Variants in BANK1 observed in about 807,000 individuals in gnomAD.
BANK1 encodes the protein B cell scaffold protein with ankyrin repeats 1, also known as B-cell scaffold protein with ankyrin repeats.
A neutral mutation model predicts 94.5 loss-of-function variants in BANK1; 95 were observed. That is an observed-to-expected ratio of 1.00 (90% CI 0.85 to 1.19). The LOEUF (loss-of-function observed/expected upper bound fraction) is 1.19, where lower values mean the gene tolerates loss of function less well. BANK1 is among the 50% of genes most tolerant of loss of function. The pLI, the probability that BANK1 is intolerant of heterozygous loss-of-function variation, is 0.00. For missense variants in BANK1, 987 were observed against 932.2 expected (o/e 1.06, Z -0.77); for synonymous variants, 334 against 308.4 (o/e 1.08, Z -0.87).
At chr4:101,906,584 C>T (rs977768837) in intron 6 of BANK1, among the ~76,000 whole-genome samples, 3 of 152,150 alleles carry the variant, frequency 2.0e-5, no homozygotes, top group South Asian at 2.1e-4. Context: ...GCCGCTTTAG[C>T]TTTAGCTGGT....
At chr4:102,064,395 T>G (rs1016514251) in intron 13 of BANK1, among the ~76,000 whole-genome samples, 1 of 152,208 alleles carries the variant, frequency 6.6e-6, no homozygotes, top group African/African-American at 2.4e-5. Context: ...TTACAAGTTA[T>G]ATAAATAATT....
intron 2 of BANK1, among the ~76,000 whole-genome samples, chr4:101,839,282 G>T (rs892633081): frequency 4.6e-5 from 7 of 151,950 alleles, no homozygotes; most frequent in Admixed American, 2.0e-4. Flanking sequence ...AAATTACATG[G>T]TTTTTTTCAG....
intron 4 of BANK1, among the ~76,000 whole-genome samples, chr4:101,866,600 C>T (rs61465450): frequency 0.11 from 17,147 of 151,878 alleles, 1,302 homozygotes; most frequent in East Asian, 0.24. Flanking sequence ...CCAGAGAAAA[C>T]GAATACCTTA....
chr4:102,023,360 A>T (rs1196362436), intron 8 of BANK1, among the ~76,000 whole-genome samples: 3 of 152,236 alleles, frequency 2.0e-5, no homozygotes, highest in African/African-American at 7.2e-5. Flanking sequence ...TATCATTTAA[A>T]TTATAATAAA....
At chr4:101,840,785 C>G (rs1560596348) in intron 2 of BANK1, among the ~76,000 whole-genome samples, 3 of 152,164 alleles carry the variant, frequency 2.0e-5, no homozygotes. Context: ...CTCTGTATTT[C>G]TGTGTGTGTG....
chr4:101,885,886 C>T (rs1728834818), intron 5 of BANK1, among the ~76,000 whole-genome samples: 1 of 152,164 alleles, frequency 6.6e-6, no homozygotes, highest in African/African-American at 2.4e-5. Context: ...TGCTCCTAGA[C>T]CTCAAACGTG....
At position 102,074,584 on chromosome 4, in the gene BANK1, A is replaced by T. The variant is rs1242839732; in HGVS notation, c.*585A>T. On this transcript the variant is annotated 3_prime_UTR_variant, in exon 17 of 17. Coordinates refer to ENST00000322953, the MANE Select transcript of BANK1 (RefSeq NM_017935.5). ...GAAAACTTTTCTATATCTCAAATTAATATACATTTTCATAACCTACCTTTG... is the reference window on the plus strand; with the variant it reads ...GAAAACTTTTCTATATCTCAAATTATTATACATTTTCATAACCTACCTTTG... The T allele has an allele frequency of 6.6e-6, 1 of 152,074 alleles. No individual in the cohort carries two copies. The highest frequency in any genetic ancestry group is 2.4e-5 in the African/African-American group (1 of 41,450). 9.4% of individuals were successfully genotyped at this position (152,074 alleles called of 1,614,324 possible). A position where few individuals can be genotyped will look rare whatever the true frequency, so the allele number is the denominator to read the frequency against.
intron 9 of BANK1, among the ~76,000 whole-genome samples, chr4:102,028,976 A>G (rs539867681): frequency 6.6e-6 from 1 of 151,886 alleles, no homozygotes; most frequent in East Asian, 1.9e-4. Flanking sequence ...GTGCAATGGC[A>G]TGCCTATAGC....
At position 101,790,889 on chromosome 4, in the gene BANK1, A is replaced by G; in HGVS notation, c.9A>G (p.Pro3=). The change falls in exon 1 of 17, where the codon CCA becomes CCG. Residue 3 remains proline, a synonymous_variant. Transcript: ENST00000322953. Reference sequence around the variant, plus strand: ...CGGCTTCAACCGCCACAATGCTGCCAGCAGCGCCAGGCAAGGGGCTTGGGA... The same window carrying G: ...CGGCTTCAACCGCCACAATGCTGCCGGCAGCGCCAGGCAAGGGGCTTGGGA... ML[P]AAPGKGLGSP... is the part of the protein sequence containing the mutation. 6.5e-7 allele frequency: 1 copy of G among 1,539,186 alleles called. No homozygotes were observed. The highest frequency in any genetic ancestry group is 8.7e-7 in the Non-Finnish European group (1 of 1,146,932).
intron 1 of BANK1, among the ~76,000 whole-genome samples, chr4:101,821,167 A>G (rs190475423): frequency 6.6e-6 from 1 of 152,232 alleles, no homozygotes; most frequent in Admixed American, 6.5e-5. Context: ...ACGATATCTC[A>G]TTGGGCTTTT....
chr4:101,948,045 A>G (rs1200554020), intron 7 of BANK1, among the ~76,000 whole-genome samples: 1 of 152,116 alleles, frequency 6.6e-6, no homozygotes, highest in Non-Finnish European at 1.5e-5. Flanking sequence ...TTGTAATTCT[A>G]TTGTTAATTT....
intron 7 of BANK1, among the ~76,000 whole-genome samples, chr4:101,945,113 T>C (rs977195623): frequency 4.6e-5 from 7 of 152,008 alleles, no homozygotes; most frequent in Admixed American, 1.3e-4. Context: ...GTGCTGTTGA[T>C]ATTTGTACAA....
intron 10 of BANK1, among the ~76,000 whole-genome samples, chr4:102,034,981 T>C (rs1727450961): frequency 6.6e-6 from 1 of 152,220 alleles, no homozygotes; most frequent in Admixed American, 6.5e-5. Context: ...GTTTTCCCCA[T>C]TGTATCTCTG....
chr4:101,940,427 G>T (rs1303374905), intron 7 of BANK1, among the ~76,000 whole-genome samples: 1 of 151,614 alleles, frequency 6.6e-6, no homozygotes, highest in Non-Finnish European at 1.5e-5. Flanking sequence ...CTCAATTAAT[G>T]AACCAATATT....
intron 10 of BANK1, among the ~76,000 whole-genome samples, chr4:102,043,437 G>A (rs1434510741): frequency 6.6e-6 from 1 of 151,994 alleles, no homozygotes; most frequent in Non-Finnish European, 1.5e-5. Flanking sequence ...TATTTAAGGA[G>A]AAACAGTCAT....
At chr4:101,837,869 G>A (rs1726888925) in intron 2 of BANK1, among the ~76,000 whole-genome samples, 1 of 151,670 alleles carries the variant, frequency 6.6e-6, no homozygotes, top group Non-Finnish European at 1.5e-5. Context: ...TACGACTCTG[G>A]ATAGCTTTTC....
At position 101,790,962 on chromosome 4, in the gene BANK1, C is replaced by T. The variant is rs1344524514; in HGVS notation, c.70+12C>T. ...CCCAGCGCCCCCAGGTGGGTAGTCG[C>T]GCATTCGGAGGGGCTTGACGCCGAG... On this transcript the variant is annotated intron_variant, in intron 1 of 16. Transcript: ENST00000322953. 2 of 1,497,918 alleles carry T rather than the reference C, an allele frequency of 1.3e-6. No homozygotes were observed. The highest frequency in any genetic ancestry group is 1.8e-6 in the Non-Finnish European group (2 of 1,129,828). The allele number at this position is 1,497,918 out of a possible 1,614,324, so 92.8% of individuals were successfully genotyped here. A position where few individuals can be genotyped will look rare whatever the true frequency, so the allele number is the denominator to read the frequency against.
chr4:101,969,244 T>A (rs564922066), intron 7 of BANK1, among the ~76,000 whole-genome samples: 42 of 152,126 alleles, frequency 2.8e-4, no homozygotes, highest in Non-Finnish European at 4.3e-4. Flanking sequence ...ATCTTTTTTT[T>A]AAAAAAATCA....
intron 2 of BANK1, among the ~76,000 whole-genome samples, chr4:101,847,890 C>T (rs1727315813): frequency 1.3e-5 from 2 of 152,186 alleles, no homozygotes; most frequent in South Asian, 4.2e-4. Context: ...CTTCTTGCCC[C>T]GTTCAAATTG....
Sources: allele counts gnomAD v4.1 joint callset (sites outside exome capture counted in the v4.1 genomes callset), GRCh38; gene constraint gnomAD v4.1.1; transcripts MANE v1.5; gene names NCBI Gene and HGNC (gene_info 2026-07-23, HGNC 2026-07-21).